The following DMTN variants were observed in gnomAD, a reference collection of about 807,000 sequenced individuals.
DMTN encodes the protein dematin actin binding protein.
DMTN carries 27 observed loss-of-function variants against 59.4 expected under a neutral mutation model. The ratio of observed to expected loss-of-function variants is 0.45; its 90% confidence interval spans 0.33 to 0.63. DMTN has a LOEUF of 0.63. Among genes scored for constraint, DMTN ranks in the 20% least tolerant of loss-of-function variants. The pLI is 0.02. For synonymous variants in DMTN, 221 were observed against 203.7 expected (o/e 1.08, Z -0.72); for missense variants, 451 against 528.9 (o/e 0.85, Z 1.45).
Position 22,067,177 on chromosome 8 carries a change from C to G in DMTN, c.93+18C>G. 1 of 1,607,606 alleles carries G rather than the reference C, an allele frequency of 6.2e-7. No individual in the cohort carries two copies. The highest frequency in any genetic ancestry group is 8.5e-7 in the Non-Finnish European group (1 of 1,177,282). ...GCATCGTGGTGAGTACCCCTCTCGG[C>G]CACCAGCAACCCCTGGCTGGGAGGG... On this transcript the variant is annotated intron_variant, in intron 3 of 15. Coordinates refer to ENST00000358242, the MANE Select transcript of DMTN (RefSeq NM_001387751.1).
rs1226020038 is a variant in DMTN at position 22,082,101 on chromosome 8, A to G, written c.*638A>G. 2.2e-6 allele frequency: 1 copy of G among 456,498 alleles called. No homozygotes were observed. Among genetic ancestry groups the G allele is most frequent in the Non-Finnish European group, 4.4e-6 (1 of 226,874 alleles). 28.3% of individuals were successfully genotyped at this position (456,498 alleles called of 1,614,324 possible). ...CTTAGGGTGGAGATGCCGCCTACAC[A>G]CGATCCTGGCCCTCCACCTGCCTCC... On this transcript the variant is annotated 3_prime_UTR_variant, in exon 16 of 16. Coordinates refer to ENST00000358242, the MANE Select transcript of DMTN (RefSeq NM_001387751.1).
chr8:22,064,807 C>T (rs765644267), intron 1 of DMTN, among the ~76,000 whole-genome samples: 2 of 152,140 alleles, frequency 1.3e-5, no homozygotes, highest in Non-Finnish European at 2.9e-5. Flanking sequence ...TCCAAACAGA[C>T]TTGAGAATCT....
At chr8:22,066,540 C>G in intron 1 of DMTN, 165 bp from the exon 2 acceptor site, 1 of 221,290 alleles carries the variant, frequency 4.5e-6, no homozygotes. Context: ...CAAAAACAAG[C>G]GCAGCCCGTC....
intron 1 of DMTN, chr8:22,059,499 T>TA (rs1804754849): frequency 6.6e-6 from 1 of 152,232 alleles, no homozygotes; most frequent in South Asian, 2.1e-4. Flanking sequence ...TGTCTAAGGT[T>TA]AGCACGTGGG....
chr8:22,051,205 C>T (rs563508277), upstream of DMTN, among the ~76,000 whole-genome samples: 63 of 152,204 alleles, frequency 4.1e-4, no homozygotes, highest in African/African-American at 1.3e-3. Flanking sequence ...AGGGAGGTGG[C>T]GGCAGCGGCC....
At chr8:22,050,216 G>A (rs1322389121), upstream of DMTN, among the ~76,000 whole-genome samples, 2 of 152,166 alleles carry the variant, frequency 1.3e-5, no homozygotes, top group Non-Finnish European at 2.9e-5. Context: ...CGAGTTCAAT[G>A]GGACTTAACG....
intron 1 of DMTN, among the ~76,000 whole-genome samples, chr8:22,062,685 C>A (rs967689231): frequency 6.6e-6 from 1 of 151,868 alleles, no homozygotes; most frequent in Non-Finnish European, 1.5e-5. Flanking sequence ...CCCCCCAATC[C>A]CTAACCACGA....
chr8:22,078,656 G>T (rs1417279215), intron 10 of DMTN, among the ~76,000 whole-genome samples: 4 of 151,812 alleles, frequency 2.6e-5, no homozygotes, highest in Non-Finnish European at 5.9e-5. Flanking sequence ...ATAATCTGTA[G>T]TACTTCAGAA....
chr8:22,070,835 C>A (rs1214817035), intron 8 of DMTN, among the ~76,000 whole-genome samples: 8 of 152,156 alleles, frequency 5.3e-5, no homozygotes, highest in African/African-American at 1.7e-4. Context: ...CCACACCCTT[C>A]TGAGTTGCCA....
At chr8:22,076,334 G>A (rs1423422099) in intron 10 of DMTN, among the ~76,000 whole-genome samples, 3 of 152,078 alleles carry the variant, frequency 2.0e-5, no homozygotes, top group South Asian at 4.1e-4. Flanking sequence ...AGGTCCAGTC[G>A]GGGCTCATGC....
At chr8:22,067,881 C>T (rs1380949993) in intron 4 of DMTN, among the ~76,000 whole-genome samples, 199 bp downstream of exon 4, 1 of 152,190 alleles carries the variant, frequency 6.6e-6, no homozygotes, top group East Asian at 1.9e-4. Flanking sequence ...TGGCATGTGG[C>T]TCAGATGTAG....
At chr8:22,074,734 G>T (rs56885213) in intron 10 of DMTN, among the ~76,000 whole-genome samples, 3,831 of 152,312 alleles carry the variant, frequency 0.025, 161 homozygotes, top group African/African-American at 0.086. Context: ...AGGGTACACT[G>T]TGGGGCAGTG....
intron 8 of DMTN, 42 bp from the exon 9 acceptor site, chr8:22,072,284 A>C (rs1190427965): frequency 6.4e-7 from 1 of 1,568,716 alleles, no homozygotes; most frequent in East Asian, 2.4e-5. Context: ...CACTGACCCC[A>C]TGGCGAGTGA....
upstream of DMTN, among the ~76,000 whole-genome samples, chr8:22,051,950 G>A (rs1374884696): frequency 2.0e-5 from 3 of 152,104 alleles, no homozygotes; most frequent in African/African-American, 7.2e-5. Flanking sequence ...TCCCTATTCG[G>A]CCCTAGCCCC....
Position 22,066,910 on chromosome 8 carries a change from C to G in DMTN, c.18+17C>G, listed in dbSNP as rs573678477. 7 of 1,249,728 alleles carry G rather than the reference C, an allele frequency of 5.6e-6. No individual in the cohort carries two copies. Among genetic ancestry groups the G allele is most frequent in the East Asian group, 3.3e-5 (1 of 30,584 alleles). 77.4% of individuals were successfully genotyped at this position (1,249,728 alleles called of 1,614,324 possible). ...CTGCAGAAGGTGCGCGGCGCCGCCC[C>G]GGGCCGGGGCCGCCGAGGGCGGGTG... is the stretch of plus-strand genomic sequence containing the variant. On this transcript the variant is annotated intron_variant, in intron 2 of 15. Coordinates refer to ENST00000358242, the MANE Select transcript of DMTN (RefSeq NM_001387751.1).
Position 22,081,541 on chromosome 8 carries a change from G to A in DMTN, c.*78G>A. 3.8e-6 allele frequency: 5 copies of A among 1,324,498 alleles called. No homozygotes were observed. In the Admixed American group the frequency reaches 6.9e-5, roughly 18 times the overall value. The allele number at this position is 1,324,498 out of a possible 1,614,324, so 82.0% of individuals were successfully genotyped here. A position where few individuals can be genotyped will look rare whatever the true frequency, so the allele number is the denominator to read the frequency against. On this transcript the variant is annotated 3_prime_UTR_variant, in exon 16 of 16. Coordinates refer to ENST00000358242, the MANE Select transcript of DMTN (RefSeq NM_001387751.1). ...TTCCCCGGCGGGTTGGGAGGGGCAGGAGGTGGGGTGGAAATAGGGTGGGCT... is the reference window on the plus strand; with the variant it reads ...TTCCCCGGCGGGTTGGGAGGGGCAGAAGGTGGGGTGGAAATAGGGTGGGCT...
At chr8:22,052,062 GCACA>G (rs142017073), upstream of DMTN, among the ~76,000 whole-genome samples, 4 of 151,688 alleles carry the variant, frequency 2.6e-5, no homozygotes, top group Admixed American at 2.0e-4. Context: ...TCCTGCTCTA[GCACA>G]CACACACACA....
At chr8:22,070,738 T>G (rs1213796376) in intron 8 of DMTN, among the ~76,000 whole-genome samples, 1 of 152,202 alleles carries the variant, frequency 6.6e-6, no homozygotes, top group African/African-American at 2.4e-5. Context: ...CTGCATAGAT[T>G]GCACAGTGGT....
chr8:22,082,436 C>T lies in DMTN; in HGVS notation c.*973C>T, dbSNP rs1426297144. 2.0e-5 allele frequency: 7 copies of T among 351,052 alleles called. No individual in the cohort carries two copies. Among genetic ancestry groups the T allele is most frequent in the Non-Finnish European group, 2.3e-5 (4 of 175,628 alleles). The allele number at this position is 351,052 out of a possible 1,614,324, so 21.7% of individuals were successfully genotyped here. A position where few individuals can be genotyped will look rare whatever the true frequency, so the allele number is the denominator to read the frequency against. On this transcript the variant is annotated 3_prime_UTR_variant, in exon 16 of 16. Transcript: ENST00000358242. ...GCCCAGGTCTGGGTATTGCTCCTGC[C>T]CAGACCCTGACATCCCTTTCCACTG...
Sources: allele counts gnomAD v4.1 joint callset (sites outside exome capture counted in the v4.1 genomes callset), GRCh38; gene constraint gnomAD v4.1.1; transcripts MANE v1.5; gene names NCBI Gene and HGNC (gene_info 2026-07-23, HGNC 2026-07-21).